The following PTPRK variants were observed in gnomAD, a reference collection of about 807,000 sequenced individuals.
The protein encoded by PTPRK is receptor-type tyrosine-protein phosphatase kappa.
Under a neutral mutation model 178.0 loss-of-function variants are expected in PTPRK, and 75 were observed. The ratio of observed to expected loss-of-function variants is 0.42; its 90% CI spans 0.35 to 0.51. The LOEUF is 0.51. PTPRK is among the 20% of genes least tolerant of loss of function. The probability of loss-of-function intolerance (pLI) is 0.02; values close to 1 mark genes in which losing one functional copy is unlikely to be tolerated. For synonymous variants in PTPRK, 637 were observed against 620.6 expected (o/e 1.03, Z -0.39); for missense variants, 1,441 against 1,797.8 (o/e 0.80, Z 3.59).
At chr6:128,481,301 T>C (rs1264535472) in intron 1 of PTPRK, among the ~76,000 whole-genome samples, 1 of 152,170 alleles carries the variant, frequency 6.6e-6, no homozygotes, top group Non-Finnish European at 1.5e-5. Context: ...CTTACCTCAT[T>C]GCCAAGATTT....
rs75364638 is a variant in PTPRK at position 128,192,084 on chromosome 6, G to T, written c.869-7359C>A. On this transcript the variant is annotated intron_variant, in intron 6 of 29. Transcript: ENST00000368226. Reference sequence around the variant, plus strand: ...GATATGTGTAAAGTAATAACACTTTGGGAAATTTATCATAAGGAGATACTT... The same window carrying T: ...GATATGTGTAAAGTAATAACACTTTTGGAAATTTATCATAAGGAGATACTT... Among the ~76,000 whole-genome samples the T allele has an allele frequency of 1.4e-3, 219 of 152,212 alleles. 5 individuals carry two copies. In the East Asian group the frequency reaches 0.041, roughly 28 times the overall value.
chr6:128,275,016 A>T (rs1820494786), intron 3 of PTPRK, among the ~76,000 whole-genome samples: 4 of 152,060 alleles, frequency 2.6e-5, no homozygotes, highest in Admixed American at 6.6e-5. Flanking sequence ...GAAGAAAAAA[A>T]TAAATCTGTG....
chr6:128,170,416 A>T (rs1028433644), intron 7 of PTPRK, among the ~76,000 whole-genome samples: 5 of 152,002 alleles, frequency 3.3e-5, no homozygotes, highest in African/African-American at 9.7e-5. Flanking sequence ...ACAACAAAAA[A>T]CTCATGACAT....
chr6:128,441,789 G>C (rs1562529361), intron 1 of PTPRK, among the ~76,000 whole-genome samples: 2 of 152,172 alleles, frequency 1.3e-5, no homozygotes, highest in Admixed American at 6.5e-5. Flanking sequence ...TAGACAGCTG[G>C]TTTTGGTCAC....
chr6:128,233,623 C>T (rs979136603), intron 5 of PTPRK, among the ~76,000 whole-genome samples: 2 of 152,190 alleles, frequency 1.3e-5, no homozygotes, highest in African/African-American at 2.4e-5. Flanking sequence ...CTAGCTGTAT[C>T]ACACTATTCT....
At chr6:128,488,405 A>G (rs1356612960) in intron 1 of PTPRK, among the ~76,000 whole-genome samples, 1 of 152,180 alleles carries the variant, frequency 6.6e-6, no homozygotes, top group South Asian at 2.1e-4. Context: ...ACCTAGGAAC[A>G]ATACTTCGTA....
At chr6:128,221,824 C>T (rs767358051) in intron 5 of PTPRK, among the ~76,000 whole-genome samples, 3 of 151,684 alleles carry the variant, frequency 2.0e-5, no homozygotes, top group Non-Finnish European at 4.4e-5. Context: ...CAGCTTATAT[C>T]CAAAAATATA....
intron 13 of PTPRK, among the ~76,000 whole-genome samples, chr6:128,037,189 G>C (rs1043690852): frequency 2.0e-5 from 3 of 152,132 alleles, no homozygotes; most frequent in African/African-American, 4.8e-5. Context: ...CTGTCATTGA[G>C]AGACTCTCTT....
At chr6:128,152,567 A>C (rs1797415580) in intron 7 of PTPRK, among the ~76,000 whole-genome samples, 1 of 151,690 alleles carries the variant, frequency 6.6e-6, no homozygotes, top group Non-Finnish European at 1.5e-5. Context: ...AAAAAAAAAA[A>C]ATCAATGTAG....
chr6:128,435,050 A>AAGGCAGGC (rs1161219547), intron 1 of PTPRK, among the ~76,000 whole-genome samples: 1 of 36,534 alleles, frequency 2.7e-5, no homozygotes, highest in Non-Finnish European at 5.2e-5. Flanking sequence ...GGAAGGCAGG[A>AAGGCAGGC]AGGAAGGAAG....
chr6:128,118,764 A>C (rs866915069), intron 7 of PTPRK, among the ~76,000 whole-genome samples: 10 of 152,142 alleles, frequency 6.6e-5, no homozygotes, highest in South Asian at 2.1e-4. Flanking sequence ...AATCTGCCAC[A>C]CATTTCTCAG....
chr6:128,313,492 C>T (rs1048411736), intron 3 of PTPRK, among the ~76,000 whole-genome samples: 2 of 151,954 alleles, frequency 1.3e-5, no homozygotes, highest in African/African-American at 2.4e-5. Flanking sequence ...GCAAAGGCTA[C>T]GTGGCAGAAG....
chr6:128,211,947 A>G (rs1808267816), intron 6 of PTPRK, among the ~76,000 whole-genome samples: 1 of 151,964 alleles, frequency 6.6e-6, no homozygotes. Context: ...ATTGATTCCA[A>G]TTTGTCAACT....
chr6:128,439,969 C>A (rs1052451070), intron 1 of PTPRK, among the ~76,000 whole-genome samples: 1 of 152,192 alleles, frequency 6.6e-6, no homozygotes, highest in Non-Finnish European at 1.5e-5. Flanking sequence ...CAAAGTACCA[C>A]TGAGCCTTGA....
At chr6:128,356,674 A>G (rs1834007264) in intron 2 of PTPRK, among the ~76,000 whole-genome samples, 2 of 152,076 alleles carry the variant, frequency 1.3e-5, no homozygotes, top group African/African-American at 4.8e-5. Flanking sequence ...TTCTCATATC[A>G]TAAATTGCAA....
At chr6:128,312,282 G>A (rs1445454280) in intron 3 of PTPRK, among the ~76,000 whole-genome samples, 1 of 152,178 alleles carries the variant, frequency 6.6e-6, no homozygotes, top group Non-Finnish European at 1.5e-5. Flanking sequence ...GCAGGGGAAA[G>A]TTAGAGCAGT....
rs373697107 is a variant in PTPRK, at chr6:128,186,147, T to C, written c.869-1422A>G. Among the ~76,000 whole-genome samples, 39 of 152,226 alleles carry C rather than the reference T, an allele frequency of 2.6e-4. No homozygotes were observed. In the East Asian group the frequency reaches 6.9e-3, roughly 27 times the overall value. On this transcript the variant is annotated intron_variant, in intron 6 of 29. Transcript: ENST00000368226. ...ATTAATTGTTAGGCTGTCCTACACATTGGGTATCCATATAACATTGTAGGG... is the reference window on the plus strand; with the variant it reads ...ATTAATTGTTAGGCTGTCCTACACACTGGGTATCCATATAACATTGTAGGG...
At chr6:128,003,349 G>T in intron 15 of PTPRK, 1 of 1,037,970 alleles carries the variant, frequency 9.6e-7, no homozygotes, top group South Asian at 1.5e-5. Context: ...AACTTTCTCA[G>T]ATTACTGTAT....
intron 2 of PTPRK, among the ~76,000 whole-genome samples, chr6:128,350,952 T>C (rs993412138): frequency 6.6e-6 from 1 of 152,224 alleles, no homozygotes; most frequent in African/African-American, 2.4e-5. Flanking sequence ...CTTCAACTCT[T>C]CTTCAATTTC....
Sources: allele counts gnomAD v4.1 joint callset (sites outside exome capture counted in the v4.1 genomes callset), GRCh38; gene constraint gnomAD v4.1.1; transcripts MANE v1.5; gene names NCBI Gene and HGNC (gene_info 2026-07-23, HGNC 2026-07-21).